Variants in NOS1AP observed in about 807,000 individuals in gnomAD.
The protein encoded by NOS1AP is carboxyl-terminal PDZ ligand of neuronal nitric oxide synthase protein.
A neutral mutation model predicts 56.2 loss-of-function variants in NOS1AP; 21 were observed. The ratio of observed to expected loss-of-function variants is 0.37; its 90% confidence interval spans 0.26 to 0.54. The LOEUF (loss-of-function observed/expected upper bound fraction) is 0.54, where lower values mean the gene tolerates loss of function less well. NOS1AP is among the 20% of genes least tolerant of loss of function. NOS1AP has a pLI of 0.84. For synonymous variants in NOS1AP, 270 were observed against 274.6 expected, an observed-to-expected ratio of 0.98 and a Z score of 0.17; for missense variants, 522 against 657.8, an observed-to-expected ratio of 0.79 and a Z score of 2.26.
At chr1:162,308,188 T>C (rs967421456) in intron 4 of NOS1AP, among the ~76,000 whole-genome samples, 15 of 152,208 alleles carry the variant, frequency 9.9e-5, no homozygotes, top group Non-Finnish European at 1.5e-5. Context: ...GTAGAAGATA[T>C]GATTACAGCT....
intron 1 of NOS1AP, among the ~76,000 whole-genome samples, chr1:162,139,605 C>T (rs1161034959): frequency 1.3e-5 from 2 of 152,158 alleles, no homozygotes; most frequent in South Asian, 2.1e-4. Context: ...TGGAATAACC[C>T]TTTGTAGGAA....
chr1:162,134,759 T>G lies in NOS1AP; in HGVS notation c.106-19646T>G, dbSNP rs529166752. ...CTTATCTGTCACTGGTCTCTTGTCA[T>G]GTCCTCTCCAATCTATCATCCATGA... is the stretch of plus-strand genomic sequence containing the variant. On this transcript the variant is annotated intron_variant, in intron 1 of 9. Coordinates refer to ENST00000361897, the MANE Select transcript of NOS1AP (RefSeq NM_014697.3). Among the ~76,000 whole-genome samples, 9 of 152,310 alleles carry G rather than the reference T, an allele frequency of 5.9e-5. No individual in the cohort carries two copies. The East Asian group carries it at 1.5e-3, about 26-fold the overall frequency.
At chr1:162,113,602 C>G (rs1440240616) in intron 1 of NOS1AP, among the ~76,000 whole-genome samples, 1 of 152,164 alleles carries the variant, frequency 6.6e-6, no homozygotes, top group East Asian at 1.9e-4. Flanking sequence ...GAAGCCAGCA[C>G]TTTACATGGC....
At chr1:162,163,575 G>A (rs1212630073) in intron 2 of NOS1AP, among the ~76,000 whole-genome samples, 1 of 152,124 alleles carries the variant, frequency 6.6e-6, no homozygotes, top group Non-Finnish European at 1.5e-5. Flanking sequence ...GGGTTCTGAT[G>A]ACACTTGAGT....
At chr1:162,261,489 AG>A (rs1252674394) in intron 2 of NOS1AP, among the ~76,000 whole-genome samples, 2 of 76 alleles carry the variant, frequency 0.026, 1 homozygote, top group Non-Finnish European at 1. Flanking sequence ...AGAGAGAGAG[AG>A]AGAGAGAGAG....
At chr1:162,118,569 T>C (rs1366678412) in intron 1 of NOS1AP, among the ~76,000 whole-genome samples, 1 of 152,194 alleles carries the variant, frequency 6.6e-6, no homozygotes, top group Non-Finnish European at 1.5e-5. Flanking sequence ...TTTGTGTCTT[T>C]GTGATAGAAT....
intron 1 of NOS1AP, among the ~76,000 whole-genome samples, chr1:162,126,917 T>C (rs912661075): frequency 2.6e-5 from 4 of 152,186 alleles, no homozygotes; most frequent in Non-Finnish European, 4.4e-5. Flanking sequence ...GTAGCAATGA[T>C]TGTTTCTCTA....
At chr1:162,223,157 T>C (rs1446631169) in intron 2 of NOS1AP, among the ~76,000 whole-genome samples, 1 of 152,216 alleles carries the variant, frequency 6.6e-6, no homozygotes, top group Non-Finnish European at 1.5e-5. Context: ...TCCTATTACA[T>C]GTAAGAGTTA....
chr1:162,207,294 T>C (rs1652191689), intron 2 of NOS1AP, among the ~76,000 whole-genome samples: 1 of 152,194 alleles, frequency 6.6e-6, no homozygotes, highest in African/African-American at 2.4e-5. Context: ...TTAGAAACCC[T>C]TGTAAAATCA....
intron 6 of NOS1AP, among the ~76,000 whole-genome samples, chr1:162,348,779 G>T (rs1657388589): frequency 6.6e-6 from 1 of 152,084 alleles, no homozygotes; most frequent in Admixed American, 6.5e-5. Flanking sequence ...GACCTGTGGG[G>T]TGATGGAAAT....
At chr1:162,093,287 C>T (rs1028787339) in intron 1 of NOS1AP, among the ~76,000 whole-genome samples, 10 of 152,202 alleles carry the variant, frequency 6.6e-5, no homozygotes, top group African/African-American at 2.4e-4. Context: ...AGTACTATGG[C>T]AAGCCAGGCA....
At chr1:162,259,266 G>T (rs1654130750) in intron 2 of NOS1AP, among the ~76,000 whole-genome samples, 1 of 152,146 alleles carries the variant, frequency 6.6e-6, no homozygotes, top group East Asian at 1.9e-4. Flanking sequence ...TTCCTAAGAT[G>T]TTCCTGGAGT....
intron 2 of NOS1AP, among the ~76,000 whole-genome samples, chr1:162,269,551 A>G (rs1031039978): frequency 6.6e-6 from 1 of 152,224 alleles, no homozygotes; most frequent in Non-Finnish European, 1.5e-5. Context: ...AAAGGGTTGG[A>G]GAAAATTAAA....
intron 1 of NOS1AP, among the ~76,000 whole-genome samples, chr1:162,083,272 G>A (rs1691931326): frequency 6.6e-6 from 1 of 152,212 alleles, no homozygotes; most frequent in Non-Finnish European, 1.5e-5. Flanking sequence ...AAGCACTCGT[G>A]TAGAAGCATT....
At chr1:162,159,500 C>T (rs1650108283) in intron 2 of NOS1AP, among the ~76,000 whole-genome samples, 1 of 151,984 alleles carries the variant, frequency 6.6e-6, no homozygotes, top group Non-Finnish European at 1.5e-5. Context: ...AGATAAATAC[C>T]CTGAGAGATA....
chr1:162,199,278 GA>G (rs1255446894), intron 2 of NOS1AP, among the ~76,000 whole-genome samples: 5 of 152,164 alleles, frequency 3.3e-5, no homozygotes, highest in African/African-American at 1.2e-4. Flanking sequence ...AAAGAGTGGG[GA>G]AAAGAGGACA....
At chr1:162,306,080 G>C (rs988100102) in intron 4 of NOS1AP, among the ~76,000 whole-genome samples, 1 of 152,170 alleles carries the variant, frequency 6.6e-6, no homozygotes, top group Non-Finnish European at 1.5e-5. Flanking sequence ...TTCAGTAGGA[G>C]CTGGGAAGTA....
At chr1:162,250,402 G>A (rs1338700833) in intron 2 of NOS1AP, among the ~76,000 whole-genome samples, 2 of 152,176 alleles carry the variant, frequency 1.3e-5, no homozygotes, top group Non-Finnish European at 2.9e-5. Flanking sequence ...TAGGCTTTAG[G>A]AGAGAGATTG....
chr1:162,209,779 G>A (rs528294707), intron 2 of NOS1AP, among the ~76,000 whole-genome samples: 2 of 152,094 alleles, frequency 1.3e-5, no homozygotes, highest in East Asian at 1.9e-4. Flanking sequence ...GGGGCGGGGG[G>A]CAAGGGCAGG....
Sources: gnomAD v4.1 joint callset for allele counts (sites outside exome capture counted in the v4.1 genomes callset) on GRCh38, gnomAD v4.1.1 for gene constraint, MANE v1.5 for transcripts, NCBI Gene and HGNC (gene_info 2026-07-23, HGNC 2026-07-21) for gene names.